The following DENND5A variants were observed in gnomAD, a reference collection of about 807,000 sequenced individuals.
The protein encoded by DENND5A is DENN domain-containing protein 5A.
A neutral mutation model predicts 140.3 loss-of-function variants in DENND5A; 64 were observed. The observed-to-expected ratio is 0.46, with a 90% CI of 0.37 to 0.56. The LOEUF (loss-of-function observed/expected upper bound fraction) is 0.56. Among genes scored for constraint, DENND5A ranks in the 20% least tolerant of loss-of-function variants. The pLI is 0.00. For synonymous variants in DENND5A, 605 were observed against 607.7 expected, an observed-to-expected ratio of 1.00 and a Z score of 0.07; for missense variants, 1,292 against 1,593.8, an observed-to-expected ratio of 0.81 and a Z score of 3.22.
intron 4 of DENND5A, among the ~76,000 whole-genome samples, chr11:9,198,981 C>CGGGAGGCGGAGCTTGCAGTGAGCCG (rs1849431192): frequency 7.4e-6 from 1 of 134,452 alleles, no homozygotes; most frequent in Non-Finnish European, 1.6e-5. Flanking sequence ...CACTTGATCC[C>CGGGAGGCGGAGCTTGCAGTGAGCCG]AGGAGGCGGA....
At chr11:9,150,861 A>ACTAT in intron 13 of DENND5A, 97 bp from the exon 14 acceptor site, 1 of 678,238 alleles carries the variant, frequency 1.5e-6, no homozygotes, top group Non-Finnish European at 2.5e-6. Flanking sequence ...TATGGGAAAC[A>ACTAT]GGTGGTTACA....
At chr11:9,196,560 C>A (rs1016816608) in intron 4 of DENND5A, among the ~76,000 whole-genome samples, 4 of 152,126 alleles carry the variant, frequency 2.6e-5, no homozygotes, top group African/African-American at 9.7e-5. Flanking sequence ...CTGTGAATTT[C>A]TACCCTTCAT....
chr11:9,150,812 T>G (rs780475031), intron 13 of DENND5A, 48 bp from the exon 14 acceptor site: 2 of 1,258,810 alleles, frequency 1.6e-6, no homozygotes, highest in Non-Finnish European at 2.3e-6. Context: ...AATATCCAAA[T>G]AGCTGACTGC....
chr11:9,212,800 G>A (rs549448905), intron 1 of DENND5A, among the ~76,000 whole-genome samples: 7 of 152,218 alleles, frequency 4.6e-5, no homozygotes, highest in South Asian at 2.1e-4. Flanking sequence ...AACAGGTTAC[G>A]TATTGTGTGA....
At chr11:9,152,734 T>G (rs1011244702) in intron 12 of DENND5A, among the ~76,000 whole-genome samples, 2 of 152,136 alleles carry the variant, frequency 1.3e-5, no homozygotes, top group African/African-American at 4.8e-5. Flanking sequence ...CTGGGCACGG[T>G]GGCTCACACC....
At position 9,142,726 on chromosome 11, in the gene DENND5A, G is replaced by C. The variant is rs1221036190; in HGVS notation, c.3507C>G (p.Phe1169Leu). The C allele has an allele frequency of 6.2e-7, 1 of 1,614,068 alleles. No individual in the cohort carries two copies. Residue 1169 changes from phenylalanine to leucine, a missense_variant, in exon 21 of 23, where the codon TTC becomes TTG. Phe to Leu is a conservative substitution (Grantham distance 22, BLOSUM62 0). This residue lies in a region of DENND5A where 498 missense variants were observed against 689.7 expected (regional missense o/e 0.72). Transcript: ENST00000328194. ...TCATACTCCAGCTCAACTCACCCAG[G>C]AAATCCCAAATGAAGACATTTTTGA... ...RLFKNVFIWD[F>L]LEKAQTYYET...
At chr11:9,167,486 A>G (rs1200393892) in intron 10 of DENND5A, among the ~76,000 whole-genome samples, 2 of 151,344 alleles carry the variant, frequency 1.3e-5, no homozygotes, top group South Asian at 2.1e-4. Context: ...AAAAAAAAAA[A>G]AAAAAAGAAA....
chr11:9,227,206 AAATAAGCAAGCAAGCACAGAGT>A lies in DENND5A; in HGVS notation c.110-19596_110-19575del, dbSNP rs1850566495. On this transcript the variant is annotated intron_variant, in intron 1 of 22. Coordinates refer to ENST00000328194, the MANE Select transcript of DENND5A (RefSeq NM_015213.4). ...TAAATAAATAAATAAATAAATAAAT[AAATAAGCAAGCAAGCACAGAGT>A]GATATTTTCTCCACTCAATCACCAT... Among the ~76,000 whole-genome samples, 4 of 134,218 alleles carry A rather than the reference AAATAAGCAAGCAAGCACAGAGT, an allele frequency of 3.0e-5. No individual in the cohort carries two copies. The South Asian group carries it at 8.7e-4, about 29-fold the overall frequency. 88.1% of individuals were successfully genotyped at this position (134,218 alleles called of 152,430 possible).
chr11:9,239,779 G>A (rs1185722167), intron 1 of DENND5A, among the ~76,000 whole-genome samples: 1 of 152,040 alleles, frequency 6.6e-6, no homozygotes, highest in African/African-American at 2.4e-5. Context: ...TATTTTTAAA[G>A]AGAGAAAAAT....
chr11:9,152,612 A>T (rs1847657619), intron 12 of DENND5A, among the ~76,000 whole-genome samples, 170 bp from the exon 13 acceptor site: 1 of 152,234 alleles, frequency 6.6e-6, no homozygotes, highest in African/African-American at 2.4e-5. Context: ...ATCCAGAAGA[A>T]ATATAAACAA....
At chr11:9,168,868 G>T (rs1848275144) in intron 10 of DENND5A, among the ~76,000 whole-genome samples, 1 of 152,160 alleles carries the variant, frequency 6.6e-6, no homozygotes. Flanking sequence ...ATAGGCTTCT[G>T]AAGTTAACAC....
At position 9,139,620 on chromosome 11, in the gene DENND5A, G is replaced by A. The variant is rs757247537; in HGVS notation, c.*51C>T. On this transcript the variant is annotated 3_prime_UTR_variant, in exon 23 of 23. Coordinates refer to ENST00000328194, the MANE Select transcript of DENND5A (RefSeq NM_015213.4). ...TAAGTCCCTTTGGGAAAAAAGGTCAGAGCTGCAGGGTGAGTCTTTCTCAGT... is the reference window on the plus strand; with the variant it reads ...TAAGTCCCTTTGGGAAAAAAGGTCAAAGCTGCAGGGTGAGTCTTTCTCAGT... 3 of 1,566,136 alleles carry A rather than the reference G, an allele frequency of 1.9e-6. No individual in the cohort carries two copies. The highest frequency in any genetic ancestry group is 2.7e-5 in the African/African-American group (2 of 74,006).
intron 1 of DENND5A, among the ~76,000 whole-genome samples, chr11:9,212,627 G>T (rs1463115893): frequency 6.7e-6 from 1 of 150,026 alleles, no homozygotes; most frequent in Non-Finnish European, 1.5e-5. Flanking sequence ...AACAACACAA[G>T]TACTGAAAAA....
rs538812755 is a variant in DENND5A at position 9,200,171 on chromosome 11, T to C, written c.949+3489A>G. 3.3e-5 allele frequency among the ~76,000 whole-genome samples: 5 copies of C among 152,348 alleles called. No individual in the cohort carries two copies. In the East Asian group the frequency reaches 9.6e-4, roughly 29 times the overall value. ...ATGTTCATCATATTTGTTTCAATCA[T>C]CCTTTCCTTGCCTCTAAACACCCCC... On this transcript the variant is annotated intron_variant, in intron 4 of 22. Transcript: ENST00000328194.
In DENND5A at chr11:9,144,428, G is replaced by C. The variant is rs946418477; in HGVS notation, c.3123-150C>G. ...CTGCTGGTTCCACCATGTATCATCA[G>C]AGAATCACCCTGAGTGGCATAGGTG... On this transcript the variant is annotated intron_variant, in intron 18 of 22. Transcript: ENST00000328194. The C allele has an allele frequency of 3.0e-5, 24 of 800,836 alleles. No individual in the cohort carries two copies. In the African/African-American group the frequency reaches 3.8e-4, roughly 13 times the overall value. 49.6% of individuals were successfully genotyped at this position (800,836 alleles called of 1,614,324 possible).
chr11:9,181,755 A>AGACAT (rs1848740725), intron 5 of DENND5A, among the ~76,000 whole-genome samples: 1 of 152,038 alleles, frequency 6.6e-6, no homozygotes, highest in Non-Finnish European at 1.5e-5. Flanking sequence ...TAAAAAATAA[A>AGACAT]TTCCTGGTGA....
chr11:9,231,206 G>C (rs1222246330), intron 1 of DENND5A, among the ~76,000 whole-genome samples: 1 of 152,174 alleles, frequency 6.6e-6, no homozygotes, highest in Non-Finnish European at 1.5e-5. Context: ...AAATGTGCTA[G>C]AAGTTACCAA....
At chr11:9,248,000 G>C (rs1001096005) in intron 1 of DENND5A, among the ~76,000 whole-genome samples, 3 of 152,060 alleles carry the variant, frequency 2.0e-5, no homozygotes, top group African/African-American at 7.2e-5. Context: ...GTTTTGTTTT[G>C]TTTTTGAGAC....
intron 5 of DENND5A, among the ~76,000 whole-genome samples, chr11:9,182,467 C>G (rs1848765233): frequency 6.6e-6 from 1 of 152,228 alleles, no homozygotes; most frequent in Non-Finnish European, 1.5e-5. Flanking sequence ...CTCAGCTACC[C>G]TGACTTCAGT....
Sources: gnomAD v4.1 joint callset for allele counts (sites outside exome capture counted in the v4.1 genomes callset) on GRCh38, gnomAD v4.1.1 for gene constraint, gnomAD v4.1.1 regional missense constraint, MANE v1.5 for transcripts, NCBI Gene and HGNC (gene_info 2026-07-23, HGNC 2026-07-21) for gene names.